Variants in SGCD observed in about 807,000 individuals in gnomAD.
SGCD encodes the protein sarcoglycan delta.
A neutral mutation model predicts 36.6 loss-of-function variants in SGCD; 18 were observed. The observed-to-expected ratio is 0.49, with a 90% CI of 0.34 to 0.73. SGCD has a LOEUF of 0.73. Among genes scored for constraint, SGCD ranks in the 30% least tolerant of loss-of-function variants. The pLI, the probability that SGCD is intolerant of heterozygous loss-of-function variation, is 0.01. For missense variants in SGCD, 387 were observed against 346.7 expected (o/e 1.12, Z -0.92); for synonymous variants, 133 against 130.6 (o/e 1.02, Z -0.12).
chr5:156,513,452 C>G (rs1039444688), intron 4 of SGCD, among the ~76,000 whole-genome samples: 1 of 152,244 alleles, frequency 6.6e-6, no homozygotes, highest in Non-Finnish European at 1.5e-5. Context: ...CTCTCATCTG[C>G]ATGATTATCT....
chr5:156,393,936 C>A, intron 3 of SGCD: 1 of 405,902 alleles, frequency 2.5e-6, no homozygotes, highest in Admixed American at 2.7e-5. Context: ...ATGGGTAAGA[C>A]CTGATTCTTT....
the SGCD span, among the ~76,000 whole-genome samples, chr5:155,797,456 G>C: frequency 6.6e-6 from 1 of 152,180 alleles, no homozygotes; most frequent in Non-Finnish European, 1.5e-5. Flanking sequence ...TGCATTTTAA[G>C]TATATAGCCA....
At chr5:156,375,261 G>C (rs1466860986) in intron 3 of SGCD, among the ~76,000 whole-genome samples, 1 of 152,042 alleles carries the variant, frequency 6.6e-6, no homozygotes, top group East Asian at 1.9e-4. Flanking sequence ...TATTTCCTAA[G>C]AACAGTAATG....
chr5:155,867,696 G>T (rs1186852979), upstream of SGCD, among the ~76,000 whole-genome samples: 1 of 152,182 alleles, frequency 6.6e-6, no homozygotes, highest in African/African-American at 2.4e-5. Context: ...AGCAGCAGTT[G>T]TAGCTGTAGT....
At chr5:156,557,706 A>G (rs1759083105) in intron 4 of SGCD, among the ~76,000 whole-genome samples, 1 of 152,096 alleles carries the variant, frequency 6.6e-6, no homozygotes. Context: ...TGAAACTGTT[A>G]ACTTAAAACA....
chr5:156,116,457 C>T (rs2127601115), intron 1 of SGCD, among the ~76,000 whole-genome samples: 1 of 152,170 alleles, frequency 6.6e-6, no homozygotes, highest in Admixed American at 6.5e-5. Flanking sequence ...TCTCTTCTAT[C>T]TCCAGAAAAT....
chr5:155,966,264 C>T (rs560529268), intron 1 of SGCD, among the ~76,000 whole-genome samples: 1 of 152,224 alleles, frequency 6.6e-6, no homozygotes, highest in Admixed American at 6.5e-5. Flanking sequence ...ATACTCCAGT[C>T]TCAGAACTAC....
chr5:156,298,879 C>A (rs1766973483), intron 3 of SGCD, among the ~76,000 whole-genome samples: 2 of 151,942 alleles, frequency 1.3e-5, no homozygotes, highest in South Asian at 4.1e-4. Context: ...CAAATATTTT[C>A]TTTCATTGTT....
At chr5:155,751,936 A>G in the SGCD span, among the ~76,000 whole-genome samples, 1 of 152,108 alleles carries the variant, frequency 6.6e-6, no homozygotes, top group Non-Finnish European at 1.5e-5. Context: ...CCTTGGACAA[A>G]CCACATGACT....
chr5:156,248,606 C>T (rs1205415439), intron 3 of SGCD, among the ~76,000 whole-genome samples: 1 of 152,058 alleles, frequency 6.6e-6, no homozygotes, highest in Admixed American at 6.6e-5. Flanking sequence ...CAAGTAGAAG[C>T]TACCTCATGC....
intron 3 of SGCD, among the ~76,000 whole-genome samples, chr5:156,487,813 A>AAAGAAAG (rs1554107843): frequency 1.3e-5 from 1 of 77,814 alleles, no homozygotes; most frequent in Non-Finnish European, 2.5e-5. Context: ...AAAAAAAAAA[A>AAAGAAAG]AAAGAAAGAA....
At position 156,058,700 on chromosome 5, in the gene SGCD, T is replaced by A. The variant is rs550219666; in HGVS notation, c.-281-59178T>A. Among the ~76,000 whole-genome samples the A allele has an allele frequency of 4.1e-5, 6 of 146,724 alleles. 1 individual carries two copies. The East Asian group carries it at 5.8e-4, about 14-fold the overall frequency. ...TAATATTAGCAAACCATCATTAAGT[T>A]TGTAGATGAAATAATGGTATTACAT... is the stretch of plus-strand genomic sequence containing the variant. On this transcript the variant is annotated intron_variant, in intron 1 of 9. Transcript: ENST00000517913.
chr5:156,097,948 T>C (rs555072721), intron 1 of SGCD, among the ~76,000 whole-genome samples: 2 of 152,332 alleles, frequency 1.3e-5, no homozygotes, highest in Admixed American at 1.3e-4. Flanking sequence ...TATTTTGGCA[T>C]GCTTGGTTTA....
intron 4 of SGCD, among the ~76,000 whole-genome samples, chr5:156,535,217 C>A (rs73297140): frequency 0.033 from 4,964 of 152,206 alleles, 280 homozygotes; most frequent in African/African-American, 0.11. Context: ...TACCGGGGCT[C>A]TCTGCTTCTT....
intron 7 of SGCD, among the ~76,000 whole-genome samples, chr5:156,732,299 T>G (rs975860702): frequency 6.6e-6 from 1 of 152,152 alleles, no homozygotes; most frequent in African/African-American, 2.4e-5. Context: ...GTTTATCGTG[T>G]TTTTAACATG....
At chr5:156,004,377 A>T (rs966270508) in intron 1 of SGCD, among the ~76,000 whole-genome samples, 2 of 152,210 alleles carry the variant, frequency 1.3e-5, no homozygotes, top group African/African-American at 4.8e-5. Context: ...ATTATTAATG[A>T]TAATGATGAT....
intron 3 of SGCD, among the ~76,000 whole-genome samples, chr5:156,437,861 C>G (rs1056999730): frequency 6.6e-6 from 1 of 152,122 alleles, no homozygotes; most frequent in Admixed American, 6.6e-5. Flanking sequence ...TTGGAATTAC[C>G]TCTGTGATTT....
the SGCD span, among the ~76,000 whole-genome samples, chr5:155,806,217 C>T: frequency 2.0e-5 from 3 of 152,132 alleles, no homozygotes; most frequent in Non-Finnish European, 4.4e-5. Context: ...TGCAGTGGCA[C>T]GATATCAAAT....
intron 3 of SGCD, among the ~76,000 whole-genome samples, chr5:156,169,683 T>C (rs1198409056): frequency 6.6e-6 from 1 of 151,976 alleles, no homozygotes; most frequent in African/African-American, 2.4e-5. Flanking sequence ...AAACAGAAGG[T>C]CACCACAGGA....
Sources: gnomAD v4.1 joint callset for allele counts (sites outside exome capture counted in the v4.1 genomes callset) on GRCh38, gnomAD v4.1.1 for gene constraint, MANE v1.5 for transcripts, NCBI Gene and HGNC (gene_info 2026-07-23, HGNC 2026-07-21) for gene names.